The following GNG4 variants were observed in gnomAD, a reference collection of about 807,000 sequenced individuals.
GNG4 encodes the protein G protein subunit gamma 4, also known as guanine nucleotide-binding protein G(I)/G(S)/G(O) subunit gamma-4.
GNG4 carries 4 observed loss-of-function variants against 5.8 expected under a neutral mutation model. The observed-to-expected ratio is 0.69, with a 90% CI of 0.34 to 1.57. The LOEUF is 1.57. GNG4 is among the 40% of genes most tolerant of loss of function. The probability of loss-of-function intolerance (pLI) is 0.06; values close to 1 mark genes in which losing one functional copy is unlikely to be tolerated. For synonymous variants in GNG4, 29 were observed against 32.9 expected, an observed-to-expected ratio of 0.88 and a Z score of 0.41; for missense variants, 96 against 95.1, an observed-to-expected ratio of 1.01 and a Z score of -0.04.
intron 2 of GNG4, among the ~76,000 whole-genome samples, chr1:235,594,698 G>T (rs1329356824): frequency 2.0e-5 from 3 of 152,182 alleles, no homozygotes; most frequent in African/African-American, 7.2e-5. Context: ...CTAAACCCAC[G>T]CCCACCCAGA....
intron 2 of GNG4, among the ~76,000 whole-genome samples, chr1:235,594,081 G>T (rs189491339): frequency 6.6e-6 from 1 of 152,076 alleles, no homozygotes; most frequent in Admixed American, 6.6e-5. Context: ...TGATTGGTGC[G>T]TTTACAATCC....
intron 3 of GNG4, among the ~76,000 whole-genome samples, chr1:235,576,363 T>C (rs1005125720): frequency 6.6e-6 from 1 of 152,120 alleles, no homozygotes; most frequent in Non-Finnish European, 1.5e-5. Flanking sequence ...CGCCCAACCA[T>C]ATATGTACTT....
At chr1:235,588,363 C>T (rs1395738083) in intron 2 of GNG4, among the ~76,000 whole-genome samples, 8 of 152,088 alleles carry the variant, frequency 5.3e-5, no homozygotes, top group Non-Finnish European at 5.9e-5. Context: ...GACCTGGCCC[C>T]CAGCGGGGGC....
intron 2 of GNG4, among the ~76,000 whole-genome samples, chr1:235,591,493 C>T (rs1687962073): frequency 6.6e-6 from 1 of 152,190 alleles, no homozygotes; most frequent in Non-Finnish European, 1.5e-5. Context: ...TCCTGCTTCC[C>T]CTACCTGGCC....
chr1:235,600,129 T>TTTTTTTTTA (rs1289825136), intron 1 of GNG4, among the ~76,000 whole-genome samples: 16 of 113,110 alleles, frequency 1.4e-4, no homozygotes, highest in African/African-American at 5.1e-4. Flanking sequence ...TTTTTTTTTT[T>TTTTTTTTTA]AGACAGGCAG....
At chr1:235,575,402 G>A (rs886192330) in intron 3 of GNG4, among the ~76,000 whole-genome samples, 8 of 152,254 alleles carry the variant, frequency 5.3e-5, no homozygotes, top group Middle Eastern at 3.4e-3. Context: ...GTTCTCCTGC[G>A]TTTCTTGGGC....
intron 3 of GNG4, among the ~76,000 whole-genome samples, chr1:235,564,514 CTT>C (rs974949655): frequency 2.6e-5 from 4 of 152,296 alleles, no homozygotes; most frequent in African/African-American, 9.6e-5. Flanking sequence ...AATAAAGACT[CTT>C]GGACTGACAG....
chr1:235,562,907 T>C lies in GNG4; in HGVS notation c.100-10670A>G, dbSNP rs144261527. On this transcript the variant is annotated intron_variant, in intron 3 of 3. Transcript: ENST00000391854. ...ATATATTTTTGCCCATCTTTTTACA[T>C]TCAACCTGAGTCACTTTATTTTAGG... 2.2e-3 allele frequency among the ~76,000 whole-genome samples: 331 copies of C among 152,288 alleles called. 1 individual carries two copies. The highest frequency in any genetic ancestry group is 7.7e-3 in the African/African-American group (319 of 41,568).
intron 3 of GNG4, among the ~76,000 whole-genome samples, chr1:235,571,604 G>C (rs145803339): frequency 0.013 from 2,004 of 152,170 alleles, 49 homozygotes; most frequent in African/African-American, 0.046. Context: ...CTTTCTATAG[G>C]GAAATTTGAT....
chr1:235,637,391 A>G lies in GNG4; in HGVS notation c.-123+12271T>C, dbSNP rs573427054. On this transcript the variant is annotated intron_variant, in intron 1 of 3. Coordinates refer to ENST00000391854, the MANE Select transcript of GNG4 (RefSeq NM_001098722.2). ...AATGAGGCTGGGCGCGGTGGCTCAC[A>G]CCTGTAATCCCAGCACTTTCGGAGG... is the stretch of plus-strand genomic sequence containing the variant. Among the ~76,000 whole-genome samples, 6 of 151,700 alleles carry G rather than the reference A, an allele frequency of 4.0e-5. No homozygotes were observed. In the East Asian group the frequency reaches 1.2e-3, roughly 30 times the overall value.
chr1:235,639,118 C>T (rs7518167), intron 1 of GNG4, among the ~76,000 whole-genome samples: 79,899 of 151,872 alleles, frequency 0.53, 23,434 homozygotes, highest in East Asian at 0.85. Flanking sequence ...ACCTTTGTGA[C>T]GACACTGGGC....
At chr1:235,607,155 C>T (rs978805451) in intron 1 of GNG4, among the ~76,000 whole-genome samples, 2 of 151,842 alleles carry the variant, frequency 1.3e-5, no homozygotes, top group African/African-American at 4.8e-5. Context: ...CTATGTTGGC[C>T]AGGCTGGTCT....
At position 235,552,240 on chromosome 1, in the gene GNG4, G is replaced by C. The variant is rs1014494358; in HGVS notation, c.100-3C>G. On this transcript the variant is annotated splice_polypyrimidine_tract_variant and splice_region_variant and intron_variant, in intron 3 of 3. Transcript: ENST00000391854. ...AGGTCCGCAGCTGCCTGGGAGACCTGTGAGGGCACAGAGCACAGGTGCTCA... is the reference window on the plus strand; with the variant it reads ...AGGTCCGCAGCTGCCTGGGAGACCTCTGAGGGCACAGAGCACAGGTGCTCA... The C allele has an allele frequency of 6.2e-7, 1 of 1,613,722 alleles. No homozygotes were observed. Among genetic ancestry groups the C allele is most frequent in the Non-Finnish European group, 8.5e-7 (1 of 1,179,748 alleles).
chr1:235,579,547 T>C (rs542609109), intron 3 of GNG4, among the ~76,000 whole-genome samples: 40 of 152,072 alleles, frequency 2.6e-4, no homozygotes, highest in African/African-American at 8.7e-4. Flanking sequence ...AGCGTGACAG[T>C]TCCTCCAAAG....
chr1:235,616,467 C>T (rs1381702574), intron 1 of GNG4: 2 of 231,268 alleles, frequency 8.6e-6, no homozygotes, highest in Non-Finnish European at 1.7e-5. Flanking sequence ...CCTGAGGACT[C>T]GCCATCCACA....
intron 1 of GNG4, among the ~76,000 whole-genome samples, chr1:235,639,494 G>A (rs983501160): frequency 3.3e-5 from 5 of 152,250 alleles, no homozygotes; most frequent in Non-Finnish European, 5.9e-5. Flanking sequence ...CTTCTGGGCC[G>A]GGCTTGGTGT....
intron 3 of GNG4, among the ~76,000 whole-genome samples, chr1:235,581,313 AG>A (rs1687629484): frequency 6.6e-6 from 1 of 152,108 alleles, no homozygotes; most frequent in African/African-American, 2.4e-5. Flanking sequence ...GCGGATCACG[AG>A]GTCAAGAGAT....
intron 3 of GNG4, among the ~76,000 whole-genome samples, chr1:235,572,474 A>T (rs1162338024): frequency 1.3e-5 from 2 of 151,010 alleles, no homozygotes; most frequent in African/African-American, 4.9e-5. Context: ...TGCTGGGATT[A>T]CAGGCATGAG....
chr1:235,626,111 T>C (rs1029389973), intron 1 of GNG4, among the ~76,000 whole-genome samples: 3 of 152,188 alleles, frequency 2.0e-5, no homozygotes. Flanking sequence ...CTCAGGGTTG[T>C]GGATTTTGGC....
Sources: allele counts gnomAD v4.1 joint callset (sites outside exome capture counted in the v4.1 genomes callset), GRCh38; gene constraint gnomAD v4.1.1; transcripts MANE v1.5; gene names NCBI Gene and HGNC (gene_info 2026-07-23, HGNC 2026-07-21).